The following NSMCE2 variants were observed in gnomAD, a reference collection of about 807,000 sequenced individuals.
NSMCE2 encodes the protein E3 SUMO-protein ligase NSE2.
Under a neutral mutation model 23.8 loss-of-function variants are expected in NSMCE2, and 24 were observed. The observed-to-expected ratio is 1.01, with a 90% CI of 0.73 to 1.42. The LOEUF (loss-of-function observed/expected upper bound fraction) is 1.42. Ranked by LOEUF, NSMCE2 falls within the 40% of genes most tolerant of loss-of-function variation. The pLI is 0.00. For missense variants in NSMCE2, 284 were observed against 296.5 expected, an observed-to-expected ratio of 0.96 and a Z score of 0.31; for synonymous variants, 92 against 94.1, an observed-to-expected ratio of 0.98 and a Z score of 0.13.
Position 125,239,394 on chromosome 8 carries a change from A to G in NSMCE2, c.418+57138A>G, listed in dbSNP as rs569160772. Among the ~76,000 whole-genome samples the G allele has an allele frequency of 2.0e-5, 3 of 152,286 alleles. No individual in the cohort carries two copies. The East Asian group carries it at 5.8e-4, about 29-fold the overall frequency. The stretch of plus-strand genomic sequence containing the variant: ...GAGGCCAGGGTGGGCAGATCACTTG[A>G]GGCCAGGATTTCGAGACTAGCCTGG... On this transcript the variant is annotated intron_variant, in intron 5 of 7. Transcript: ENST00000287437.
chr8:125,285,567 T>A (rs1827858199), intron 5 of NSMCE2, among the ~76,000 whole-genome samples: 1 of 152,194 alleles, frequency 6.6e-6, no homozygotes, highest in Non-Finnish European at 1.5e-5. Flanking sequence ...GATGTTTTAC[T>A]TTAAACATGT....
chr8:125,344,597 G>T (rs972992050), intron 5 of NSMCE2, among the ~76,000 whole-genome samples: 5 of 151,992 alleles, frequency 3.3e-5, no homozygotes, highest in Admixed American at 3.3e-4. Flanking sequence ...ATAAAAATTA[G>T]CCAGGAGTGG....
chr8:125,265,899 T>A (rs963131848), intron 5 of NSMCE2, among the ~76,000 whole-genome samples: 7 of 152,174 alleles, frequency 4.6e-5, no homozygotes, highest in Admixed American at 3.9e-4. Flanking sequence ...TGTACTTTTT[T>A]TTCCTGTAAA....
intron 5 of NSMCE2, among the ~76,000 whole-genome samples, chr8:125,230,658 A>G (rs979466890): frequency 3.3e-5 from 5 of 152,160 alleles, no homozygotes; most frequent in East Asian, 1.9e-4. Flanking sequence ...TCGTATGCCA[A>G]TGAGGAAAAA....
chr8:125,159,665 T>A (rs919976561), intron 4 of NSMCE2, among the ~76,000 whole-genome samples: 1 of 152,150 alleles, frequency 6.6e-6, no homozygotes, highest in Middle Eastern at 3.2e-3. Flanking sequence ...CTGGGGGTTT[T>A]GGAATGTATC....
intron 5 of NSMCE2, among the ~76,000 whole-genome samples, chr8:125,286,894 TC>T (rs1201877584): frequency 6.6e-6 from 1 of 152,116 alleles, no homozygotes. Context: ...GTGATTGTAA[TC>T]CCCTGGATTG....
intron 5 of NSMCE2, among the ~76,000 whole-genome samples, chr8:125,354,435 A>G (rs1173542256): frequency 3.3e-5 from 5 of 152,236 alleles, no homozygotes; most frequent in South Asian, 2.1e-4. Context: ...CGGATCAACA[A>G]TTAATGAAGT....
At chr8:125,289,189 C>G (rs1828012417) in intron 5 of NSMCE2, among the ~76,000 whole-genome samples, 1 of 152,098 alleles carries the variant, frequency 6.6e-6, no homozygotes, top group Non-Finnish European at 1.5e-5. Flanking sequence ...CTGGATCATA[C>G]TTACTTCCTA....
chr8:125,292,273 CA>C (rs1402246677), intron 5 of NSMCE2, among the ~76,000 whole-genome samples: 1 of 151,422 alleles, frequency 6.6e-6, no homozygotes, highest in Non-Finnish European at 1.5e-5. Flanking sequence ...TGTGGGAGGC[CA>C]GGGGGAGCAG....
In NSMCE2 at chr8:125,133,571, C is replaced by G. The variant is rs1200629330; in HGVS notation, c.158-17600C>G. ...CCTGGCCAACATGGTGAAACCCCAT[C>G]TCTACTAAAAATACACAAAATTAGT... On this transcript the variant is annotated intron_variant, in intron 3 of 7. Coordinates refer to ENST00000287437, the MANE Select transcript of NSMCE2 (RefSeq NM_173685.4). 3.3e-5 allele frequency among the ~76,000 whole-genome samples: 5 copies of G among 152,076 alleles called. No homozygotes were observed. The East Asian group carries it at 9.7e-4, about 29-fold the overall frequency.
Position 125,163,955 on chromosome 8 carries a change from A to G in NSMCE2, c.264+12678A>G, listed in dbSNP as rs1335769618. ...GTTAACAAAGCCCACTTGTAGTATG[A>G]ATATTAGCTTGGAGTTTGTTTCAAG... On this transcript the variant is annotated intron_variant, in intron 4 of 7. Transcript: ENST00000287437. Among the ~76,000 whole-genome samples the G allele has an allele frequency of 2.6e-5, 4 of 152,222 alleles. No individual in the cohort carries two copies. In the East Asian group the frequency reaches 7.7e-4, roughly 29 times the overall value.
chr8:125,228,718 G>A (rs1441208356), intron 5 of NSMCE2, among the ~76,000 whole-genome samples: 1 of 152,210 alleles, frequency 6.6e-6, no homozygotes, highest in Non-Finnish European at 1.5e-5. Flanking sequence ...AAGTGTAAAG[G>A]GGGTAAGGCA....
chr8:125,327,577 G>A (rs555305269), intron 5 of NSMCE2, among the ~76,000 whole-genome samples: 2 of 152,130 alleles, frequency 1.3e-5, no homozygotes, highest in South Asian at 4.1e-4. Flanking sequence ...CCATTTTGTA[G>A]TATGTGAGAG....
Position 125,272,728 on chromosome 8 carries a change from T to TAC in NSMCE2, c.419-84479_419-84478dup, listed in dbSNP as rs71295830. Among the ~76,000 whole-genome samples the TAC allele has an allele frequency of 1.5e-4, 22 of 142,990 alleles. 1 individual carries two copies. The highest frequency in any genetic ancestry group is 8.5e-4 in the South Asian group (4 of 4,690). 93.8% of individuals were successfully genotyped at this position (142,990 alleles called of 152,430 possible). On this transcript the variant is annotated intron_variant, in intron 5 of 7. Coordinates refer to ENST00000287437, the MANE Select transcript of NSMCE2 (RefSeq NM_173685.4). Reference sequence around the variant, plus strand: ...TATATATATATATAATATATATATATACACACACACACATATATATACACA... The same window carrying TAC: ...TATATATATATATAATATATATATATACACACACACACACATATATATACACA...
chr8:125,240,402 C>A (rs1383561700), intron 5 of NSMCE2, among the ~76,000 whole-genome samples: 1 of 152,150 alleles, frequency 6.6e-6, no homozygotes, highest in African/African-American at 2.4e-5. Flanking sequence ...GGATTCCAGG[C>A]TTGAGCCACC....
intron 5 of NSMCE2, among the ~76,000 whole-genome samples, chr8:125,201,261 TA>T (rs1013728232): frequency 1.3e-5 from 2 of 152,250 alleles, no homozygotes; most frequent in Non-Finnish European, 2.9e-5. Context: ...CTTTGGTTTT[TA>T]GAATTTTCAG....
chr8:125,129,644 C>T (rs1563667775), intron 3 of NSMCE2, among the ~76,000 whole-genome samples: 1 of 151,234 alleles, frequency 6.6e-6, no homozygotes, highest in Non-Finnish European at 1.5e-5. Context: ...TGACTGGTGC[C>T]TTATTTACAT....
chr8:125,311,986 T>A (rs934986237), intron 5 of NSMCE2, among the ~76,000 whole-genome samples: 1 of 149,856 alleles, frequency 6.7e-6, no homozygotes, highest in Admixed American at 6.7e-5. Context: ...GAGAATCACT[T>A]GAACCTGGGA....
rs1440700444 is a variant in NSMCE2, at chr8:125,320,295, AGGAAGGAAGGAAGGGAAG to A, written c.419-36913_419-36896del. ...AAGGAAGGAAGGAAGGAAGGAAGGA[AGGAAGGAAGGAAGGGAAG>A]GGAAGGAAGGGAAGGAAGGCAGGCT... On this transcript the variant is annotated intron_variant, in intron 5 of 7. Transcript: ENST00000287437. 1.9e-3 allele frequency among the ~76,000 whole-genome samples: 229 copies of A among 120,044 alleles called. 4 individuals carry two copies. Among genetic ancestry groups the A allele is most frequent in the Middle Eastern group, 9.1e-3 (2 of 220 alleles). 78.8% of individuals were successfully genotyped at this position (120,044 alleles called of 152,430 possible). A position where few individuals can be genotyped will look rare whatever the true frequency, so the allele number is the denominator to read the frequency against.
Sources: gnomAD v4.1 joint callset for allele counts (sites outside exome capture counted in the v4.1 genomes callset) on GRCh38, gnomAD v4.1.1 for gene constraint, MANE v1.5 for transcripts, NCBI Gene and HGNC (gene_info 2026-07-23, HGNC 2026-07-21) for gene names.